MSH6: variants seen among roughly 807,000 people sequenced by gnomAD.
MSH6 encodes the protein mutS homolog 6.
Under a neutral mutation model 119.1 loss-of-function variants are expected in MSH6, and 85 were observed. The observed-to-expected ratio is 0.71, with a 90% CI of 0.60 to 0.85. The LOEUF (loss-of-function observed/expected upper bound fraction) is 0.85. MSH6 is among the 40% of genes least tolerant of loss of function. The pLI is 0.00. For synonymous variants in MSH6, 830 were observed against 586.9 expected (o/e 1.41, Z -5.99); for missense variants, 2,163 against 1,655.3 (o/e 1.31, Z -5.32).
At chr2:47,787,982 A>C (rs1224163370) in intron 1 of MSH6, among the ~76,000 whole-genome samples, 1 of 152,204 alleles carries the variant, frequency 6.6e-6, no homozygotes, top group Non-Finnish European at 1.5e-5. Context: ...ATTCAGGTTT[A>C]CACACAAAAA....
At chr2:47,784,809 C>G (rs1455900326) in intron 1 of MSH6, 1 of 151,850 alleles carries the variant, frequency 6.6e-6, no homozygotes, top group African/African-American at 2.4e-5. Context: ...GAAAAGCTTG[C>G]TTTTGCTGTT....
At chr2:47,795,188 A>G (rs940383991) in intron 2 of MSH6, among the ~76,000 whole-genome samples, 2 of 152,208 alleles carry the variant, frequency 1.3e-5, no homozygotes, top group African/African-American at 2.4e-5. Flanking sequence ...GACCCAGGTC[A>G]TTAGAAGACA....
At chr2:47,809,211 T>C (rs149966170), downstream of MSH6, 40 of 1,608,300 alleles carry the variant, frequency 2.5e-5, no homozygotes, top group Non-Finnish European at 3.0e-5. Flanking sequence ...TATATAAACA[T>C]TGGCCTCTAC....
chr2:47,800,658 C>A lies in MSH6; in HGVS notation c.2675C>A (p.Ser892Tyr). ...FKSKILKQVI[S>Y]LQTKNPEGRF... is the part of the protein sequence containing the mutation. ...TCTAAAATCCTTAAGCAGGTCATCT[C>A]TCTGCAGACAAAAAATCCTGAAGGT... Residue 892 changes from serine (S) to tyrosine (Y), a missense_variant, in exon 4 of 10, where the codon TCT becomes TAT. Physicochemically the swap from Ser to Tyr is moderately radical, Grantham distance 144. Transcript: ENST00000234420. 2 of 1,614,186 alleles carry A rather than the reference C, an allele frequency of 1.2e-6. No homozygotes were observed. Among genetic ancestry groups the A allele is most frequent in the Admixed American group, 3.3e-5 (2 of 60,032 alleles).
At chr2:47,784,112 G>A in intron 1 of MSH6, 1 of 1,005,458 alleles carries the variant, frequency 9.9e-7, no homozygotes, top group Non-Finnish European at 1.2e-6. Flanking sequence ...CTAGGTGAGG[G>A]GCCGCCGAGG....
At chr2:47,807,102 C>A, downstream of MSH6, 1 of 497,462 alleles carries the variant, frequency 2.0e-6, no homozygotes, top group Non-Finnish European at 3.6e-6. Flanking sequence ...CCACTGTCAC[C>A]AATACACATA....
intron 1 of MSH6, among the ~76,000 whole-genome samples, chr2:47,785,138 A>C (rs1477708303): frequency 6.6e-6 from 1 of 150,476 alleles, no homozygotes; most frequent in Non-Finnish European, 1.5e-5. Context: ...CAGATACTAA[A>C]CACAAAGTTT....
intron 2 of MSH6, among the ~76,000 whole-genome samples, chr2:47,793,916 G>C (rs985881027): frequency 6.6e-6 from 1 of 151,814 alleles, no homozygotes. Context: ...TTTTTCAGTA[G>C]AGTTGAGGTT....
intron 1 of MSH6, 130 bp downstream of exon 1, chr2:47,783,623 G>T: frequency 2.1e-6 from 2 of 972,518 alleles, no homozygotes; most frequent in South Asian, 2.1e-5. Flanking sequence ...AGGCGGGGCC[G>T]CAGAGTTGGC....
chr2:47,805,593 C>G (rs1558390501), intron 6 of MSH6, 25 bp from the exon 7 acceptor site: 3 of 1,432,740 alleles, frequency 2.1e-6, no homozygotes, highest in Admixed American at 3.4e-5. Flanking sequence ...AATGAGTATT[C>G]ATTTGTGATT....
chr2:47,800,031 C>G lies in MSH6; in HGVS notation c.2048C>G (p.Ala683Gly), dbSNP rs747699430. 6.2e-7 allele frequency: 1 copy of G among 1,614,116 alleles called. No homozygotes were observed. Among genetic ancestry groups the G allele is most frequent in the Non-Finnish European group, 8.5e-7 (1 of 1,180,008 alleles). ...PGEKSELALS[A>G]LGGCVFYLKK... is the part of the protein sequence containing the mutation. The stretch of plus-strand genomic sequence containing the variant: ...GAGAAAAGTGAATTGGCCCTCTCTG[C>G]TCTAGGTGGTTGTGTCTTCTACCTC... The change falls in exon 4 of 10, where the codon GCT becomes GGT. Residue 683 changes from alanine to glycine, a missense_variant. Physicochemically the swap from Ala to Gly is moderately conservative, Grantham distance 60. Transcript: ENST00000234420.
intron 1 of MSH6, among the ~76,000 whole-genome samples, chr2:47,790,431 T>C (rs1668656106): frequency 1.3e-5 from 2 of 152,176 alleles, no homozygotes; most frequent in African/African-American, 4.8e-5. Flanking sequence ...TAGGTAGCTT[T>C]TGGAATACAT....
chr2:47,790,402 G>C (rs189439036), intron 1 of MSH6, among the ~76,000 whole-genome samples: 1 of 152,210 alleles, frequency 6.6e-6, no homozygotes, highest in Non-Finnish European at 1.5e-5. Context: ...TAGTTTGTAG[G>C]GGGAGGGTAA....
In MSH6 at chr2:47,800,903, A is replaced by C. The variant is rs775407589; in HGVS notation, c.2920A>C (p.Arg974=). ...GACCATAGTCTATTGGGGGATTGGT[A>C]GGAACCGTTACCAGCTGGAAATTCC... ...CRTIVYWGIG[R]NRYQLEIPEN... The change falls in exon 4 of 10, where the codon AGG becomes CGG. Residue 974 remains arginine, a synonymous_variant. Transcript: ENST00000234420. 1 of 1,592,356 alleles carries C rather than the reference A, an allele frequency of 6.3e-7. No individual in the cohort carries two copies. Among genetic ancestry groups the C allele is most frequent in the Non-Finnish European group, 8.5e-7 (1 of 1,170,286 alleles).
downstream of MSH6, chr2:47,807,683 AAAGG>A (rs1670319853): frequency 8.7e-6 from 2 of 230,302 alleles, no homozygotes; most frequent in South Asian, 3.3e-4. Context: ...AAAAAAATCA[AAAGG>A]AACGCAGAAG....
At chr2:47,805,208 T>C (rs547752956) in intron 6 of MSH6, among the ~76,000 whole-genome samples, 181 bp downstream of exon 6, 2 of 152,166 alleles carry the variant, frequency 1.3e-5, no homozygotes, top group African/African-American at 4.8e-5. Context: ...GAGATGGAGT[T>C]TCCCTCTTGT....
intron 5 of MSH6, 22 bp from the exon 6 acceptor site, chr2:47,804,888 C>T (rs1396285734): frequency 1.3e-6 from 2 of 1,571,014 alleles, no homozygotes; most frequent in African/African-American, 2.7e-5. Flanking sequence ...TCATAAAAGA[C>T]CTTTTCCTCC....
chr2:47,804,768 T>C, intron 5 of MSH6, 142 bp from the exon 6 acceptor site: 1 of 731,106 alleles, frequency 1.4e-6, no homozygotes, highest in Non-Finnish European at 2.5e-6. Flanking sequence ...AGCAAATGGA[T>C]TTCAGAACAG....
At chr2:47,788,922 G>T (rs145044092) in intron 1 of MSH6, among the ~76,000 whole-genome samples, 11,733 of 40,212 alleles carry the variant, frequency 0.29, 1,468 homozygotes, top group East Asian at 0.65. Context: ...TTTTTTTTTT[G>T]TTTTTTTTTT....
Sources: allele counts gnomAD v4.1 joint callset (sites outside exome capture counted in the v4.1 genomes callset), GRCh38; gene constraint gnomAD v4.1.1; transcripts MANE v1.5; gene names NCBI Gene and HGNC (gene_info 2026-07-23, HGNC 2026-07-21).